Variants in CEBPZ observed in about 807,000 individuals in gnomAD.
The protein encoded by CEBPZ is CCAAT/enhancer-binding protein zeta.
CEBPZ carries 78 observed loss-of-function variants against 104.5 expected under a neutral mutation model. The ratio of observed to expected loss-of-function variants is 0.75; its 90% confidence interval spans 0.62 to 0.90. The LOEUF is 0.90. CEBPZ is among the 40% of genes least tolerant of loss of function. The probability of loss-of-function intolerance (pLI) is 0.00; values close to 1 mark genes in which losing one functional copy is unlikely to be tolerated. For synonymous variants in CEBPZ, 470 were observed against 427.0 expected, an observed-to-expected ratio of 1.10 and a Z score of -1.24; for missense variants, 1,439 against 1,233.5, an observed-to-expected ratio of 1.17 and a Z score of -2.50.
In CEBPZ at chr2:37,224,916, G is replaced by A. The variant is rs1664847158; in HGVS notation, c.1650-1515C>T. 2.0e-5 allele frequency among the ~76,000 whole-genome samples: 3 copies of A among 152,134 alleles called. No homozygotes were observed. The South Asian group carries it at 6.2e-4, about 31-fold the overall frequency. On this transcript the variant is annotated intron_variant, in intron 2 of 15. Transcript: ENST00000234170. ...ACTTAAAAATCCACCCTTCCTCAGA[G>A]ATGTTAGACTATGATGTTAAATAGA...
In CEBPZ at chr2:37,220,408, T is replaced by C. The variant is rs770382096; in HGVS notation, c.2131A>G (p.Thr711Ala). The change falls in exon 5 of 16, where the codon ACA (threonine) becomes GCA (alanine). Residue 711 changes from threonine (T) to alanine (A), a missense_variant. By Grantham distance (58) the Thr-to-Ala change is moderately conservative. Coordinates refer to ENST00000234170, the MANE Select transcript of CEBPZ (RefSeq NM_005760.3). ...ACCTTTTTGAGTTCCCAAAGACTTGTATTTTCAGCTCCACAGAACAGAGGG... is the reference window on the plus strand; with the variant it reads ...ACCTTTTTGAGTTCCCAAAGACTTGCATTTTCAGCTCCACAGAACAGAGGG... ...RNPLFCGAEN[T>A]SLWELKKLSV... 1 of 1,592,854 alleles carries C rather than the reference T, an allele frequency of 6.3e-7. No homozygotes were observed. Among genetic ancestry groups the C allele is most frequent in the Non-Finnish European group, 8.6e-7 (1 of 1,166,340 alleles).
At chr2:37,221,303 T>C (rs1038853858) in intron 4 of CEBPZ, among the ~76,000 whole-genome samples, 2 of 151,856 alleles carry the variant, frequency 1.3e-5, no homozygotes, top group African/African-American at 4.8e-5. Context: ...CTGGGTGACA[T>C]AGTGAGACCC....
chr2:37,215,979 G>C, intron 8 of CEBPZ, 161 bp downstream of exon 8: 1 of 468,974 alleles, frequency 2.1e-6, no homozygotes, highest in Admixed American at 4.1e-5. Context: ...GGCCCAGTCA[G>C]ATACAGTAGA....
At chr2:37,215,172 A>G (rs1572501697) in intron 8 of CEBPZ, 1 of 432,172 alleles carries the variant, frequency 2.3e-6, no homozygotes, top group East Asian at 3.7e-5. Context: ...AGCATAAAGT[A>G]GGCAGTACAT....
chr2:37,225,492 A>G (rs1217923964), intron 2 of CEBPZ, among the ~76,000 whole-genome samples: 1 of 146,522 alleles, frequency 6.8e-6, no homozygotes, highest in Non-Finnish European at 1.5e-5. Flanking sequence ...GTCCACTCAG[A>G]GTTGAATGGA....
At chr2:37,207,314 C>T (rs754133918) in intron 13 of CEBPZ, among the ~76,000 whole-genome samples, 1 of 152,116 alleles carries the variant, frequency 6.6e-6, no homozygotes, top group African/African-American at 2.4e-5. Context: ...TTAACAGATA[C>T]CTACGGAACA....
rs754662872 is a variant in CEBPZ, at chr2:37,231,574, C to T, written c.-7G>A. ...GCTCCTTGACTGCGGCCATGGCGGG[C>T]AAAGCATACGCGCGTGAAACTCAGC... is the stretch of plus-strand genomic sequence containing the variant. On this transcript the variant is annotated 5_prime_UTR_variant, in exon 1 of 16. Transcript: ENST00000234170. 6.2e-7 allele frequency: 1 copy of T among 1,614,104 alleles called. No individual in the cohort carries two copies. Among genetic ancestry groups the T allele is most frequent in the Non-Finnish European group, 8.5e-7 (1 of 1,180,050 alleles).
rs537743874 is a variant in CEBPZ, at chr2:37,222,664, T to C, written c.1882-101A>G. ...TGCAGAGTTTTACTTATTGCAACTC[T>C]GGTGAAACGTGAAAGTTCTAATAAA... is the stretch of plus-strand genomic sequence containing the variant. On this transcript the variant is annotated intron_variant, in intron 3 of 15. Transcript: ENST00000234170. 36 of 748,320 alleles carry C rather than the reference T, an allele frequency of 4.8e-5. No individual in the cohort carries two copies. In the East Asian group the frequency reaches 1.0e-3, roughly 21 times the overall value. 46.4% of individuals were successfully genotyped at this position (748,320 alleles called of 1,614,324 possible).
chr2:37,229,790 C>G (rs1460954528), intron 1 of CEBPZ, among the ~76,000 whole-genome samples: 1 of 152,206 alleles, frequency 6.6e-6, no homozygotes, highest in East Asian at 1.9e-4. Flanking sequence ...TGAACTGCAG[C>G]CTCAACCTCC....
intron 11 of CEBPZ, 123 bp downstream of exon 11, chr2:37,212,203 TACTGTATCC>T: frequency 1.0e-6 from 1 of 989,214 alleles, no homozygotes; most frequent in South Asian, 1.5e-5. Context: ...AAGATGAAAG[TACTGTATCC>T]ACTTCCCAAA....
rs984018409 is a variant in CEBPZ at position 37,227,809 on chromosome 2, T to C, written c.1384A>G (p.Ile462Val). ...HEESELANKLITVYFCFFRTC... is the reference protein window; with the variant it reads ...HEESELANKLVTVYFCFFRTC... ...CGAAAAAAGCAAAAGTAAACAGTTA[T>C]TAATTTGTTAGCCAATTCACTTTCT... is the stretch of plus-strand genomic sequence containing the variant. Residue 462 changes from isoleucine to valine, a missense_variant, in exon 2 of 16, where the codon ATA (isoleucine) becomes GTA (valine). Transcript: ENST00000234170. The C allele has an allele frequency of 1.2e-6, 2 of 1,614,046 alleles. No individual in the cohort carries two copies. Among genetic ancestry groups the C allele is most frequent in the Admixed American group, 1.7e-5 (1 of 60,008 alleles).
chr2:37,224,969 C>G (rs907331386), intron 2 of CEBPZ, among the ~76,000 whole-genome samples: 5 of 152,086 alleles, frequency 3.3e-5, no homozygotes, highest in Admixed American at 6.6e-5. Context: ...TAATAGATTT[C>G]AAACACTTTC....
chr2:37,216,842 A>G (rs900736037), intron 6 of CEBPZ, 142 bp downstream of exon 6: 5 of 705,136 alleles, frequency 7.1e-6, no homozygotes, highest in African/African-American at 5.4e-5. Context: ...ACTCTGTATG[A>G]AACAAGTCAC....
chr2:37,223,497 A>G (rs1429461611), intron 2 of CEBPZ, 96 bp from the exon 3 acceptor site: 3 of 1,035,964 alleles, frequency 2.9e-6, no homozygotes, highest in Non-Finnish European at 4.3e-6. Context: ...CATCTTAGTT[A>G]GGGATAACTT....
Position 37,201,872 on chromosome 2 carries a change from A to G in CEBPZ, c.3057T>C (p.Arg1019=). 6.2e-7 allele frequency: 1 copy of G among 1,613,810 alleles called. No homozygotes were observed. Among genetic ancestry groups the G allele is most frequent in the Non-Finnish European group, 8.5e-7 (1 of 1,179,902 alleles). ...SLKQLRWEAE[R]DDWLHNRDAK... ...CATCTCTGTTGTGTAGCCAGTCATC[A>G]CGTTCAGCCTCCCATCTAAGCTGTT... Residue 1019 remains arginine (R), a synonymous_variant, in exon 16 of 16, where the codon CGT becomes CGC. Coordinates refer to ENST00000234170, the MANE Select transcript of CEBPZ (RefSeq NM_005760.3).
At chr2:37,205,162 T>C (rs1197157434) in intron 13 of CEBPZ, among the ~76,000 whole-genome samples, 2 of 152,208 alleles carry the variant, frequency 1.3e-5, no homozygotes, top group Non-Finnish European at 2.9e-5. Flanking sequence ...TTGAAAGAGC[T>C]GATAAAATTT....
chr2:37,211,392 G>A, intron 12 of CEBPZ: 1 of 250,244 alleles, frequency 4.0e-6, no homozygotes, highest in Non-Finnish European at 7.5e-6. Flanking sequence ...AGAATGTTGG[G>A]CAGGCATGTG....
chr2:37,216,217 T>C lies in CEBPZ; in HGVS notation c.2312-9A>G, dbSNP rs759232795. 1.2e-5 allele frequency: 19 copies of C among 1,611,574 alleles called. No homozygotes were observed. The highest frequency in any genetic ancestry group is 1.6e-5 in the Non-Finnish European group (19 of 1,178,742). On this transcript the variant is annotated splice_polypyrimidine_tract_variant and intron_variant, in intron 7 of 15. Transcript: ENST00000234170. ...AACACTATCTGTGTTTTCTGAAATG[T>C]AAAATTATGACAGTATAATGCAAAA...
In CEBPZ at chr2:37,227,711, G is replaced by A; in HGVS notation, c.1482C>T (p.Tyr494=). ...SALLTGVNRA[Y]PYSQTGDDKV... The stretch of plus-strand genomic sequence containing the variant: ...TGTCATCACCAGTCTGGGAATAAGG[G>A]TATGCCCTATTCACACCTGTTAAAA... The change falls in exon 2 of 16, where the codon TAC becomes TAT. Residue 494 remains tyrosine (Y), a synonymous_variant. Transcript: ENST00000234170. 1.2e-6 allele frequency: 2 copies of A among 1,614,096 alleles called. No homozygotes were observed. Among genetic ancestry groups the A allele is most frequent in the Non-Finnish European group, 1.7e-6 (2 of 1,180,010 alleles).
Sources: gnomAD v4.1 joint callset for allele counts (sites outside exome capture counted in the v4.1 genomes callset) on GRCh38, gnomAD v4.1.1 for gene constraint, MANE v1.5 for transcripts, NCBI Gene and HGNC (gene_info 2026-07-23, HGNC 2026-07-21) for gene names.